ARHGAP15: variants seen among roughly 807,000 people sequenced by gnomAD.
ARHGAP15 encodes Rho GTPase activating protein 15.
ARHGAP15 carries 51 observed loss-of-function variants against 63.7 expected under a neutral mutation model. The ratio of observed to expected loss-of-function variants is 0.80; its 90% CI spans 0.64 to 1.01. The LOEUF (loss-of-function observed/expected upper bound fraction) is 1.01, where lower values mean the gene tolerates loss of function less well. Ranked by LOEUF, ARHGAP15 falls within the 50% of genes least tolerant of loss-of-function variation. The pLI is 0.00. For missense variants in ARHGAP15, 560 were observed against 564.6 expected (o/e 0.99, Z 0.08); for synonymous variants, 191 against 193.8 (o/e 0.99, Z 0.12).
At chr2:143,339,433 T>C (rs1031443565) in intron 6 of ARHGAP15, among the ~76,000 whole-genome samples, 3 of 152,146 alleles carry the variant, frequency 2.0e-5, no homozygotes, top group Non-Finnish European at 2.9e-5. Context: ...TATAATGGGA[T>C]AGCAAAGATG....
intron 6 of ARHGAP15, among the ~76,000 whole-genome samples, chr2:143,291,987 A>G (rs1424294654): frequency 3.3e-5 from 5 of 152,160 alleles, no homozygotes; most frequent in Non-Finnish European, 2.9e-5. Context: ...AAGTTTTAAG[A>G]CACTTTTGAA....
chr2:143,592,877 C>T (rs1212503578), intron 11 of ARHGAP15, among the ~76,000 whole-genome samples: 1 of 152,078 alleles, frequency 6.6e-6, no homozygotes, highest in African/African-American at 2.4e-5. Context: ...AAGAACCATT[C>T]GAAGGGAATT....
intron 6 of ARHGAP15, among the ~76,000 whole-genome samples, chr2:143,317,005 C>G (rs1470544414): frequency 1.3e-5 from 2 of 152,058 alleles, no homozygotes; most frequent in Non-Finnish European, 2.9e-5. Context: ...TAAACTTTTC[C>G]TGATTATTGC....
chr2:143,740,127 A>G (rs1485716707), intron 13 of ARHGAP15, among the ~76,000 whole-genome samples: 3 of 152,206 alleles, frequency 2.0e-5, no homozygotes, highest in Non-Finnish European at 4.4e-5. Flanking sequence ...AAACAGAAAA[A>G]AAAAATGATT....
intron 6 of ARHGAP15, among the ~76,000 whole-genome samples, chr2:143,424,852 T>A (rs1159894978): frequency 6.6e-6 from 1 of 152,158 alleles, no homozygotes; most frequent in African/African-American, 2.4e-5. Context: ...CTTTTTTGTA[T>A]ACCTCACAGT....
At chr2:143,562,367 T>C (rs1354809864) in intron 11 of ARHGAP15, among the ~76,000 whole-genome samples, 1 of 152,236 alleles carries the variant, frequency 6.6e-6, no homozygotes, top group Non-Finnish European at 1.5e-5. Context: ...CAAATTTCTG[T>C]TCTTATAAAA....
intron 13 of ARHGAP15, among the ~76,000 whole-genome samples, chr2:143,743,821 G>A (rs1686057746): frequency 6.6e-6 from 1 of 151,948 alleles, no homozygotes; most frequent in Non-Finnish European, 1.5e-5. Context: ...GTTGGAGTAA[G>A]GGGAAGAAAG....
intron 11 of ARHGAP15, among the ~76,000 whole-genome samples, chr2:143,565,362 C>T (rs1272203960): frequency 6.6e-6 from 1 of 152,020 alleles, no homozygotes; most frequent in Non-Finnish European, 1.5e-5. Flanking sequence ...CCCCCAAATG[C>T]TTTGGGGATT....
intron 6 of ARHGAP15, among the ~76,000 whole-genome samples, chr2:143,262,561 C>CTTTTTTTTTTTTTGTTT (rs1553456078): frequency 1.4e-5 from 1 of 70,706 alleles, no homozygotes; most frequent in African/African-American, 5.7e-5. Flanking sequence ...TTTTTTTTTA[C>CTTTTTTTTTTTTTGTTT]TTTGTCACGC....
intron 12 of ARHGAP15, among the ~76,000 whole-genome samples, chr2:143,676,863 A>G (rs1682850590): frequency 6.6e-6 from 1 of 152,152 alleles, no homozygotes; most frequent in African/African-American, 2.4e-5. Context: ...AAGTTGTCAC[A>G]GACCTTCAAT....
At chr2:143,568,001 C>T (rs1696298025) in intron 11 of ARHGAP15, among the ~76,000 whole-genome samples, 2 of 152,126 alleles carry the variant, frequency 1.3e-5, no homozygotes, top group Non-Finnish European at 2.9e-5. Flanking sequence ...CTTCCTTACA[C>T]CTTATACAAA....
At chr2:143,208,133 C>T (rs1270496259) in intron 3 of ARHGAP15, among the ~76,000 whole-genome samples, 1 of 152,112 alleles carries the variant, frequency 6.6e-6, no homozygotes, top group Non-Finnish European at 1.5e-5. Context: ...GAGTTATTAT[C>T]CATCATCTCT....
In ARHGAP15 at chr2:143,556,441, G is replaced by A. The variant is rs1191116979; in HGVS notation, c.959G>A (p.Gly320Asp). The A allele has an allele frequency of 1.2e-6, 2 of 1,612,038 alleles. No individual in the cohort carries two copies. The highest frequency in any genetic ancestry group is 1.7e-5 in the Admixed American group (1 of 59,900). ...LDVDGIYRVS[G>D]NLATIQKLRF... ...GTTGATGGAATATATCGAGTTAGTG[G>A]CAATCTGGCAACAATACAGAAGTTA... Residue 320 changes from glycine to aspartate, a missense_variant, in exon 11 of 14, where the codon GGC (glycine) becomes GAC (aspartate). Physicochemically the swap from Gly to Asp is moderately conservative, Grantham distance 94. Transcript: ENST00000295095.
intron 10 of ARHGAP15, among the ~76,000 whole-genome samples, chr2:143,520,631 A>G (rs1694020390): frequency 2.0e-5 from 3 of 152,192 alleles, no homozygotes; most frequent in Admixed American, 2.0e-4. Flanking sequence ...TGCAAGTTGC[A>G]ATTTCATTTA....
chr2:143,218,297 T>C (rs985267611), intron 4 of ARHGAP15, among the ~76,000 whole-genome samples: 25 of 148,912 alleles, frequency 1.7e-4, no homozygotes, highest in Non-Finnish European at 3.4e-4. Context: ...TTTTTTTTTT[T>C]TTGTTGCTGC....
intron 6 of ARHGAP15, among the ~76,000 whole-genome samples, chr2:143,410,827 T>C (rs1002617136): frequency 7.9e-5 from 12 of 151,402 alleles, no homozygotes; most frequent in African/African-American, 2.7e-4. Context: ...TTTTTTTTTT[T>C]TGAAAAAGTA....
chr2:143,281,697 T>TA lies in ARHGAP15; in HGVS notation c.474+31098dup, dbSNP rs1681859024. 2.0e-5 allele frequency among the ~76,000 whole-genome samples: 3 copies of TA among 152,158 alleles called. No homozygotes were observed. In the South Asian group the frequency reaches 6.2e-4, roughly 32 times the overall value. On this transcript the variant is annotated intron_variant, in intron 6 of 13. Transcript: ENST00000295095. ...TTATGGTAATACAATGGCCAGTCAT[T>TA]ACCCTCACACTTTATTAAAATGTAC...
At chr2:143,309,592 G>T (rs1236876682) in intron 6 of ARHGAP15, among the ~76,000 whole-genome samples, 1 of 152,064 alleles carries the variant, frequency 6.6e-6, no homozygotes, top group Non-Finnish European at 1.5e-5. Context: ...GCTAAGGAGG[G>T]TTAGTTGATA....
chr2:143,691,436 C>T (rs547421578), intron 12 of ARHGAP15, among the ~76,000 whole-genome samples: 25 of 152,298 alleles, frequency 1.6e-4, no homozygotes, highest in African/African-American at 5.8e-4. Context: ...TCTGCCTGCA[C>T]CCTACTGTAG....
Sources: gnomAD v4.1 joint callset for allele counts (sites outside exome capture counted in the v4.1 genomes callset) on GRCh38, gnomAD v4.1.1 for gene constraint, MANE v1.5 for transcripts, NCBI Gene and HGNC (gene_info 2026-07-23, HGNC 2026-07-21) for gene names.